GMPS: variants seen among roughly 807,000 people sequenced by gnomAD.
GMPS encodes GMP synthase [glutamine-hydrolyzing].
A neutral mutation model predicts 77.9 loss-of-function variants in GMPS; 15 were observed. The observed-to-expected ratio is 0.19, with a 90% confidence interval of 0.13 to 0.30. The LOEUF (loss-of-function observed/expected upper bound fraction) is 0.30, where lower values mean the gene tolerates loss of function less well. Among genes scored for constraint, GMPS ranks in the 10% least tolerant of loss-of-function variants. GMPS has a pLI of 1.00. For synonymous variants in GMPS, 224 were observed against 275.9 expected (o/e 0.81, Z 1.86); for missense variants, 590 against 838.8 (o/e 0.70, Z 3.66).
intron 3 of GMPS, among the ~76,000 whole-genome samples, chr3:155,899,561 A>G (rs1288725758): frequency 6.6e-6 from 1 of 152,034 alleles, no homozygotes; most frequent in African/African-American, 2.4e-5. Flanking sequence ...TCAACATCCC[A>G]CACCAGAGTG....
At position 155,914,590 on chromosome 3, in the gene GMPS, C is replaced by G; in HGVS notation, c.1038+20C>G. On this transcript the variant is annotated intron_variant, in intron 8 of 15. Coordinates refer to ENST00000496455, the MANE Select transcript of GMPS (RefSeq NM_003875.3). The stretch of plus-strand genomic sequence containing the variant: ...GTTAAGGTACCTTTGTTTTTAATAT[C>G]CTCAACATGTACTATTTTTGATGTG... The G allele has an allele frequency of 6.8e-7, 1 of 1,480,260 alleles. No individual in the cohort carries two copies. Among genetic ancestry groups the G allele is most frequent in the Non-Finnish European group, 9.2e-7 (1 of 1,091,506 alleles). The allele number at this position is 1,480,260 out of a possible 1,614,324, so 91.7% of individuals were successfully genotyped here.
intron 2 of GMPS, 108 bp downstream of exon 2, chr3:155,893,807 A>G (rs779889043): frequency 4.9e-6 from 3 of 615,314 alleles, no homozygotes; most frequent in African/African-American, 1.9e-5. Flanking sequence ...AAGATATGGA[A>G]TGGTTTTATG....
rs1755804286 is a variant in GMPS, at chr3:155,938,112, GA to G, written c.*422del. 1 of 228,664 alleles carries G rather than the reference GA, an allele frequency of 4.4e-6. No homozygotes were observed. The highest frequency in any genetic ancestry group is 2.2e-5 in the African/African-American group (1 of 45,020). 14.2% of individuals were successfully genotyped at this position (228,664 alleles called of 1,614,324 possible). A position where few individuals can be genotyped will look rare whatever the true frequency, so the allele number is the denominator to read the frequency against. On this transcript the variant is annotated 3_prime_UTR_variant, in exon 16 of 16. Coordinates refer to ENST00000496455, the MANE Select transcript of GMPS (RefSeq NM_003875.3). ...TTACTACTTATATATACTTTTTGGA[GA>G]ATCAGTTTTCTTATAAGTAATCTTA...
chr3:155,879,826 G>A (rs1471534165), intron 1 of GMPS, among the ~76,000 whole-genome samples: 1 of 148,366 alleles, frequency 6.7e-6, no homozygotes, highest in African/African-American at 2.5e-5. Context: ...CACCTCCTGG[G>A]TTCAAGCAAT....
intron 13 of GMPS, among the ~76,000 whole-genome samples, chr3:155,934,004 G>A (rs1202371162): frequency 6.6e-6 from 1 of 152,160 alleles, no homozygotes; most frequent in Non-Finnish European, 1.5e-5. Context: ...GAAGGAAGTA[G>A]TAGGATACTA....
chr3:155,875,142 C>A (rs1392024106), intron 1 of GMPS, among the ~76,000 whole-genome samples: 1 of 149,024 alleles, frequency 6.7e-6, no homozygotes, highest in Non-Finnish European at 1.5e-5. Flanking sequence ...GGTCTCTAAC[C>A]CTTGACCTCA....
At chr3:155,935,579 T>C (rs1560055473) in intron 14 of GMPS, among the ~76,000 whole-genome samples, 1 of 152,222 alleles carries the variant, frequency 6.6e-6, no homozygotes, top group Non-Finnish European at 1.5e-5. Context: ...AAAATTTGAA[T>C]TTCCAGACTT....
chr3:155,906,898 G>A (rs897209325), intron 5 of GMPS, among the ~76,000 whole-genome samples: 3 of 152,130 alleles, frequency 2.0e-5, no homozygotes, highest in African/African-American at 7.2e-5. Flanking sequence ...TTTTGAGGAA[G>A]GGGAATTGAC....
In GMPS at chr3:155,939,498, TA is replaced by T; in HGVS notation, c.*1808del. 1 of 205,446 alleles carries T rather than the reference TA, an allele frequency of 4.9e-6. No individual in the cohort carries two copies. The highest frequency in any genetic ancestry group is 7.4e-5 in the East Asian group (1 of 13,434). 12.7% of individuals were successfully genotyped at this position (205,446 alleles called of 1,614,324 possible). A position where few individuals can be genotyped will look rare whatever the true frequency, so the allele number is the denominator to read the frequency against. ...ATGTAAAAAGGATTAGGTGGTCATA[TA>T]AGTTTGGGGAACATAAGCTCACTTG... is the stretch of plus-strand genomic sequence containing the variant. On this transcript the variant is annotated 3_prime_UTR_variant, in exon 16 of 16. Coordinates refer to ENST00000496455, the MANE Select transcript of GMPS (RefSeq NM_003875.3).
intron 1 of GMPS, among the ~76,000 whole-genome samples, chr3:155,891,515 T>C (rs1484458255): frequency 6.6e-6 from 1 of 152,196 alleles, no homozygotes; most frequent in African/African-American, 2.4e-5. Context: ...GACCAGAACC[T>C]TCATTTCTAT....
At chr3:155,907,884 C>A (rs1233149227) in intron 5 of GMPS, among the ~76,000 whole-genome samples, 1 of 151,950 alleles carries the variant, frequency 6.6e-6, no homozygotes, top group Admixed American at 6.6e-5. Context: ...TGGGTGGGGA[C>A]CATATTTGAG....
chr3:155,940,369 A>G lies in GMPS; in HGVS notation c.*2677A>G, dbSNP rs989354657. ...AAGTCTGTAGATATATCCAGGAGAT[A>G]GGGTTACACTGTTTTCTAACCTTTT... On this transcript the variant is annotated 3_prime_UTR_variant, in exon 16 of 16. Transcript: ENST00000496455. The G allele has an allele frequency of 1.2e-4, 25 of 201,962 alleles. No individual in the cohort carries two copies. Among genetic ancestry groups the G allele is most frequent in the Non-Finnish European group, 2.4e-4 (24 of 98,210 alleles). The allele number at this position is 201,962 out of a possible 1,614,324, so 12.5% of individuals were successfully genotyped here.
At chr3:155,879,545 G>A (rs1481097074) in intron 1 of GMPS, among the ~76,000 whole-genome samples, 1 of 152,024 alleles carries the variant, frequency 6.6e-6, no homozygotes, top group Non-Finnish European at 1.5e-5. Context: ...GGGATTACAG[G>A]CATGAGCTAC....
Position 155,942,680 on chromosome 3 carries a change from C to T in GMPS, c.*4988C>T, listed in dbSNP as rs903913900. ...GCTAATTTTGAGATCTGGGCAACAA[C>T]TGTGTAGGCTGTTCTTTCAACCTCT... is the stretch of plus-strand genomic sequence containing the variant. On this transcript the variant is annotated 3_prime_UTR_variant, in exon 16 of 16. Coordinates refer to ENST00000496455, the MANE Select transcript of GMPS (RefSeq NM_003875.3). The T allele has an allele frequency of 2.6e-5, 6 of 228,926 alleles. No individual in the cohort carries two copies. Among genetic ancestry groups the T allele is most frequent in the Non-Finnish European group, 5.2e-5 (6 of 115,382 alleles). The allele number at this position is 228,926 out of a possible 1,614,324, so 14.2% of individuals were successfully genotyped here.
chr3:155,931,947 A>G, intron 13 of GMPS, 67 bp downstream of exon 13: 2 of 739,684 alleles, frequency 2.7e-6, no homozygotes, highest in Admixed American at 4.1e-5. Flanking sequence ...AGGGCTTTCA[A>G]TTAATGGAAG....
rs193118320 is a variant in GMPS, at chr3:155,878,660, C to T, written c.27+7763C>T. 2.4e-3 allele frequency among the ~76,000 whole-genome samples: 360 copies of T among 152,090 alleles called. 1 individual carries two copies. Among genetic ancestry groups the T allele is most frequent in the African/African-American group, 8.5e-3 (352 of 41,458 alleles). ...CAGGATTCTCCAGAAAAACAGTAGGCTATAGATAGAGAAATAGATAATAGA... is the reference window on the plus strand; with the variant it reads ...CAGGATTCTCCAGAAAAACAGTAGGTTATAGATAGAGAAATAGATAATAGA... On this transcript the variant is annotated intron_variant, in intron 1 of 15. Transcript: ENST00000496455.
At position 155,943,037 on chromosome 3, in the gene GMPS, C is replaced by A. The variant is rs1353125421; in HGVS notation, c.*5345C>A. 1 of 177,404 alleles carries A rather than the reference C, an allele frequency of 5.6e-6. No homozygotes were observed. The highest frequency in any genetic ancestry group is 1.2e-5 in the Non-Finnish European group (1 of 82,620). 11.0% of individuals were successfully genotyped at this position (177,404 alleles called of 1,614,324 possible). On this transcript the variant is annotated 3_prime_UTR_variant, in exon 16 of 16. Coordinates refer to ENST00000496455, the MANE Select transcript of GMPS (RefSeq NM_003875.3). ...CTTGAGGTCAGGAGTTTGAGACCAG[C>A]GTGGCCAACATGGTGAAACCCCATT...
intron 13 of GMPS, among the ~76,000 whole-genome samples, chr3:155,933,584 A>G (rs968980124): frequency 7.2e-5 from 11 of 152,248 alleles, no homozygotes; most frequent in African/African-American, 2.7e-4. Flanking sequence ...GAAGGAGACA[A>G]TAAAGTAGTT....
intron 15 of GMPS, 117 bp from the exon 16 acceptor site, chr3:155,937,474 A>T: frequency 1.6e-6 from 1 of 627,874 alleles, no homozygotes; most frequent in South Asian, 2.0e-5. Context: ...CATCCCATAT[A>T]CATGGAGGAC....
Sources: allele counts gnomAD v4.1 joint callset (sites outside exome capture counted in the v4.1 genomes callset), GRCh38; gene constraint gnomAD v4.1.1; transcripts MANE v1.5; gene names NCBI Gene and HGNC (gene_info 2026-07-23, HGNC 2026-07-21).